CYP19A1: variants seen among roughly 807,000 people sequenced by gnomAD.
CYP19A1 encodes aromatase.
Under a neutral mutation model 44.4 loss-of-function variants are expected in CYP19A1, and 32 were observed. The ratio of observed to expected loss-of-function variants is 0.72; its 90% CI spans 0.54 to 0.97. The LOEUF (loss-of-function observed/expected upper bound fraction) is 0.97, where lower values mean the gene tolerates loss of function less well. CYP19A1 is among the 50% of genes least tolerant of loss of function. The pLI is 0.00. For synonymous variants in CYP19A1, 212 were observed against 215.6 expected (o/e 0.98, Z 0.14); for missense variants, 598 against 637.8 (o/e 0.94, Z 0.67).
rs747161974 is a variant in CYP19A1 at position 51,242,849 on chromosome 15, G to A, written c.64C>T (p.Pro22Ser). The A allele has an allele frequency of 5.0e-6, 8 of 1,596,392 alleles. No homozygotes were observed. The highest frequency in any genetic ancestry group is 2.7e-5 in the African/African-American group (2 of 74,678). The change falls in exon 2 of 10, where the codon CCT (proline) becomes TCT (serine). Residue 22 changes from proline (P) to serine (S), a missense_variant. Pro to Ser is a moderately conservative substitution (Grantham distance 74). Transcript: ENST00000396402. ...NITSIVPEAM[P>S]AATMPVLLLT... ...AGCAGGACTGGCATGGTGGCAGCAG[G>A]CATGGCTTCAGGCACGATGCTGGTG...
chr15:51,224,477 T>A (rs1040594070), intron 4 of CYP19A1, among the ~76,000 whole-genome samples: 2 of 152,198 alleles, frequency 1.3e-5, no homozygotes, highest in Admixed American at 6.5e-5. Flanking sequence ...AACCCTGATC[T>A]TGCCTATAGA....
At chr15:51,318,276 C>T (rs984559148) in intron 1 of CYP19A1, among the ~76,000 whole-genome samples, 7 of 152,164 alleles carry the variant, frequency 4.6e-5, no homozygotes, top group Non-Finnish European at 1.0e-4. Context: ...AATGAAGCCA[C>T]TTAATTAAAG....
chr15:51,214,222 C>A (rs751788674), intron 8 of CYP19A1, among the ~76,000 whole-genome samples: 9 of 152,176 alleles, frequency 5.9e-5, no homozygotes, highest in Non-Finnish European at 1.0e-4. Context: ...TAAAAGATTA[C>A]TTATGTGAAG....
intron 1 of CYP19A1, chr15:51,319,142 C>A (rs1595782840): frequency 6.6e-6 from 1 of 152,226 alleles, no homozygotes; most frequent in Admixed American, 6.5e-5. Context: ...TCTCACCATT[C>A]CTTTTCAAGC....
chr15:51,267,152 T>C (rs577664511), intron 1 of CYP19A1, among the ~76,000 whole-genome samples: 1 of 152,230 alleles, frequency 6.6e-6, no homozygotes, highest in Admixed American at 6.5e-5. Flanking sequence ...GCAGGGCGAA[T>C]CGAGCCAGAT....
intron 2 of CYP19A1, among the ~76,000 whole-genome samples, chr15:51,237,800 A>G (rs1369431600): frequency 6.6e-6 from 1 of 152,250 alleles, no homozygotes; most frequent in African/African-American, 2.4e-5. Context: ...GGTGCTGCTT[A>G]TATCAGAGAA....
At chr15:51,237,840 T>C (rs1326455462) in intron 2 of CYP19A1, among the ~76,000 whole-genome samples, 1 of 152,238 alleles carries the variant, frequency 6.6e-6, no homozygotes, top group Non-Finnish European at 1.5e-5. Context: ...TTACTGGTGT[T>C]GGTAAAACGT....
At chr15:51,279,030 G>T (rs1250011010) in intron 1 of CYP19A1, 1 of 152,122 alleles carries the variant, frequency 6.6e-6, no homozygotes, top group African/African-American at 2.4e-5. Flanking sequence ...AAATAAAGCT[G>T]GATGCGAGCC....
intron 4 of CYP19A1, among the ~76,000 whole-genome samples, chr15:51,224,381 A>G (rs891773261): frequency 4.6e-5 from 7 of 152,220 alleles, no homozygotes; most frequent in African/African-American, 1.7e-4. Context: ...AATGTCAGAC[A>G]CCACAGTGAA....
chr15:51,332,238 C>T (rs1478727159), intron 1 of CYP19A1, among the ~76,000 whole-genome samples: 1 of 152,060 alleles, frequency 6.6e-6, no homozygotes, highest in Non-Finnish European at 1.5e-5. Flanking sequence ...GGTAGTCAAA[C>T]TCATTCTTTT....
rs763768204 is a variant in CYP19A1, at chr15:51,210,994, G to T, written c.1326C>A (p.Ile442=). Reference sequence around the variant, plus strand: ...GGATGGCTTTCATCATCACCATGGCGATGTACTTTCCTGCACAGCCACGGG... The same window carrying T: ...GGATGGCTTTCATCATCACCATGGCTATGTACTTTCCTGCACAGCCACGGG... ...FGPRGCAGKY[I]AMVMMKAILV... Residue 442 remains isoleucine (I), a synonymous_variant, in exon 10 of 10, where the codon ATC becomes ATA. Transcript: ENST00000396402. 12 of 1,591,954 alleles carry T rather than the reference G, an allele frequency of 7.5e-6. No homozygotes were observed. In the Admixed American group the frequency reaches 1.8e-4, roughly 24 times the overall value.
At chr15:51,295,127 T>C (rs1183650155) in intron 1 of CYP19A1, among the ~76,000 whole-genome samples, 1 of 143,854 alleles carries the variant, frequency 7.0e-6, no homozygotes, top group Non-Finnish European at 1.5e-5. Context: ...TGGAGCGAAT[T>C]AACAACGTGT....
rs572826507 is a variant in CYP19A1 at position 51,246,076 on chromosome 15, T to C, written c.-38-3126A>G. Among the ~76,000 whole-genome samples, 4 of 152,350 alleles carry C rather than the reference T, an allele frequency of 2.6e-5. No individual in the cohort carries two copies. In the South Asian group the frequency reaches 8.3e-4, roughly 32 times the overall value. On this transcript the variant is annotated intron_variant, in intron 1 of 9. Transcript: ENST00000396402. ...TTTATGGACCTCTGAATGCCACAGC[T>C]GGAAAGGTCCTTTGAGATTCTCTCC...
intron 8 of CYP19A1, among the ~76,000 whole-genome samples, chr15:51,212,820 G>T (rs1595666683): frequency 6.6e-6 from 1 of 152,124 alleles, no homozygotes; most frequent in East Asian, 1.9e-4. Context: ...CAGAAAATTT[G>T]GTGATGCTGA....
intron 1 of CYP19A1, among the ~76,000 whole-genome samples, chr15:51,299,032 G>C (rs1475897987): frequency 1.3e-5 from 2 of 152,194 alleles, no homozygotes; most frequent in Non-Finnish European, 2.9e-5. Flanking sequence ...TGCTGGAACC[G>C]GCAAGGCCTT....
rs1199116422 is a variant in CYP19A1, at chr15:51,210,903, T to C, written c.1417A>G (p.Lys473Glu). Residue 473 changes from lysine to glutamate, a missense_variant, in exon 10 of 10, where the codon AAG becomes GAG. Lys to Glu is a moderately conservative substitution (Grantham distance 56). Transcript: ENST00000396402. ...GGGTGCAAGGACAAGTCGTGTATCTTCTGTATGCTCTCAACACACTGTCCT... is the reference window on the plus strand; with the variant it reads ...GGGTGCAAGGACAAGTCGTGTATCTCCTGTATGCTCTCAACACACTGTCCT... ...LQGQCVESIQ[K>E]IHDLSLHPDE... 6.3e-7 allele frequency: 1 copy of C among 1,597,930 alleles called. No homozygotes were observed. Among genetic ancestry groups the C allele is most frequent in the East Asian group, 2.2e-5 (1 of 44,826 alleles).
chr15:51,269,074 C>A (rs1314053315), intron 1 of CYP19A1, among the ~76,000 whole-genome samples: 1 of 152,042 alleles, frequency 6.6e-6, no homozygotes, highest in Admixed American at 6.6e-5. Context: ...ATGGCTCCTA[C>A]TTTTTTTGTG....
At chr15:51,218,973 G>C (rs973576457) in intron 5 of CYP19A1, among the ~76,000 whole-genome samples, 1 of 152,220 alleles carries the variant, frequency 6.6e-6, no homozygotes, top group Non-Finnish European at 1.5e-5. Flanking sequence ...ACTAGCTCCT[G>C]TTTCTCTGTA....
intron 1 of CYP19A1, among the ~76,000 whole-genome samples, chr15:51,333,692 T>A (rs1222460615): frequency 3.3e-5 from 5 of 152,176 alleles, no homozygotes; most frequent in African/African-American, 1.2e-4. Context: ...GTCTTGGCAA[T>A]AAAAGGTAAG....
Sources: gnomAD v4.1 joint callset for allele counts (sites outside exome capture counted in the v4.1 genomes callset) on GRCh38, gnomAD v4.1.1 for gene constraint, MANE v1.5 for transcripts, NCBI Gene and HGNC (gene_info 2026-07-23, HGNC 2026-07-21) for gene names.